Variants in SH3TC1 observed in about 807,000 individuals in gnomAD.
The protein encoded by SH3TC1 is SH3 domain and tetratricopeptide repeats 1.
In SH3TC1, 135 loss-of-function variants were observed where a neutral mutation model predicts 117.3. That is an observed-to-expected ratio of 1.15 (90% CI 1.00 to 1.33). The LOEUF (loss-of-function observed/expected upper bound fraction) is 1.33. Among genes scored for constraint, SH3TC1 ranks in the 40% most tolerant of loss-of-function variants. The pLI is 0.00. For synonymous variants in SH3TC1, 898 were observed against 816.9 expected (o/e 1.10, Z -1.69); for missense variants, 2,092 against 1,794.3 (o/e 1.17, Z -3.00).
intron 6 of SH3TC1, 96 bp downstream of exon 6, chr4:8,216,353 T>G (rs1719272556): frequency 2.7e-6 from 4 of 1,498,180 alleles, no homozygotes; most frequent in Middle Eastern, 2.4e-4. Context: ...TGAGCATGTC[T>G]GGGGCTGTGG....
chr4:8,194,241 C>T (rs746672437), intron 1 of SH3TC1, among the ~76,000 whole-genome samples: 2 of 152,192 alleles, frequency 1.3e-5, no homozygotes, highest in Non-Finnish European at 1.5e-5. Flanking sequence ...GGGGGCTTCA[C>T]GCTGCTCTGT....
At position 8,232,104 on chromosome 4, in the gene SH3TC1, G is replaced by A. The variant is rs748302749; in HGVS notation, c.3079G>A (p.Gly1027Arg). The A allele has an allele frequency of 5.6e-6, 9 of 1,611,434 alleles. No homozygotes were observed. Among genetic ancestry groups the A allele is most frequent in the Non-Finnish European group, 7.6e-6 (9 of 1,179,130 alleles). ...CAAGGTGGCCGACAAGGTGCTGGAG[G>A]GGCAGCTCCTGGAGACCATCAGCCA... ...ACKVADKVLEGQLLETISQLY... is the reference protein window; with the variant it reads ...ACKVADKVLERQLLETISQLY... Residue 1027 changes from glycine (G) to arginine (R), a missense_variant, in exon 13 of 18, where the codon GGG (glycine) becomes AGG (arginine). Transcript: ENST00000245105.
Position 8,212,651 on chromosome 4 carries a change from C to T in SH3TC1, c.248-50C>T, listed in dbSNP as rs1262865974. 5 of 1,611,126 alleles carry T rather than the reference C, an allele frequency of 3.1e-6. No homozygotes were observed. In the East Asian group the frequency reaches 6.7e-5, roughly 22 times the overall value. ...CAGGTGGAGTACAGTGCCCCACAGA[C>T]TTCCCAGCCCAGGTCAGACCAACTG... On this transcript the variant is annotated intron_variant, in intron 3 of 17. Coordinates refer to ENST00000245105, the MANE Select transcript of SH3TC1 (RefSeq NM_018986.5).
At chr4:8,194,315 T>C (rs1323563959), upstream of SH3TC1, among the ~76,000 whole-genome samples, 5 of 152,206 alleles carry the variant, frequency 3.3e-5, no homozygotes, top group Non-Finnish European at 7.3e-5. Context: ...GGTAGCTTCT[T>C]TGAGCGACCT....
chr4:8,219,320 G>T lies in SH3TC1; in HGVS notation c.917-15G>T. On this transcript the variant is annotated splice_polypyrimidine_tract_variant and intron_variant, in intron 8 of 17. Coordinates refer to ENST00000245105, the MANE Select transcript of SH3TC1 (RefSeq NM_018986.5). Reference sequence around the variant, plus strand: ...TTGGTCTCCCTGGCACTCACCATGTGGCTTTCTTCCGCAGCTGTGGGCCTG... The same window carrying T: ...TTGGTCTCCCTGGCACTCACCATGTTGCTTTCTTCCGCAGCTGTGGGCCTG... 3 of 1,566,780 alleles carry T rather than the reference G, an allele frequency of 1.9e-6. No homozygotes were observed. Among genetic ancestry groups the T allele is most frequent in the Non-Finnish European group, 2.6e-6 (3 of 1,150,944 alleles).
Position 8,206,414 on chromosome 4 carries a change from G to A in SH3TC1, c.172+1048G>A, listed in dbSNP as rs574187697. 5.7e-4 allele frequency among the ~76,000 whole-genome samples: 86 copies of A among 152,172 alleles called. No homozygotes were observed. The highest frequency in any genetic ancestry group is 3.7e-3 in the South Asian group (18 of 4,820). ...GGGGCTGCGCTGTGCCCAGGGCCAC[G>A]AGTGCACAAGGAGACTGAGACGCGC... is the stretch of plus-strand genomic sequence containing the variant. On this transcript the variant is annotated intron_variant, in intron 2 of 17. Coordinates refer to ENST00000245105, the MANE Select transcript of SH3TC1 (RefSeq NM_018986.5). The surrounding 1 kb of genome is among the most constrained non-coding windows in gnomAD (Gnocchi z 5.5).
chr4:8,212,257 A>G (rs928910462), intron 3 of SH3TC1, among the ~76,000 whole-genome samples: 3 of 150,846 alleles, frequency 2.0e-5, no homozygotes, highest in Non-Finnish European at 2.9e-5. Flanking sequence ...CCCACCTTAC[A>G]GTCACCATGG....
In SH3TC1 at chr4:8,219,546, C is replaced by A; in HGVS notation, c.1112+16C>A. The A allele has an allele frequency of 1.3e-6, 2 of 1,511,654 alleles. No individual in the cohort carries two copies. The highest frequency in any genetic ancestry group is 1.8e-6 in the Non-Finnish European group (2 of 1,124,218). 93.6% of individuals were successfully genotyped at this position (1,511,654 alleles called of 1,614,324 possible). ...CCGTGTCCGAGTGAGTGGCTGGAGCCCCGCCCCTTTCCTGAACCCACCCCC... is the reference window on the plus strand; with the variant it reads ...CCGTGTCCGAGTGAGTGGCTGGAGCACCGCCCCTTTCCTGAACCCACCCCC... On this transcript the variant is annotated intron_variant, in intron 9 of 17. Coordinates refer to ENST00000245105, the MANE Select transcript of SH3TC1 (RefSeq NM_018986.5).
chr4:8,185,127 G>C (rs1258670039), intron 1 of SH3TC1, among the ~76,000 whole-genome samples: 1 of 151,694 alleles, frequency 6.6e-6, no homozygotes, highest in Middle Eastern at 3.2e-3. Context: ...CTTGAGGTCA[G>C]GAGTTCGACA....
In SH3TC1 at chr4:8,225,145, G is replaced by C. The variant is rs764618463; in HGVS notation, c.1244-30G>C. On this transcript the variant is annotated intron_variant, in intron 10 of 17. Transcript: ENST00000245105. The surrounding 1 kb of genome is among the most constrained non-coding windows in gnomAD (Gnocchi z 5.5). ...GGGACCAGAGGTACTGGCTGGGGGTGTTGATTGCTTCTCTTTTCTCCCTTG... is the reference window on the plus strand; with the variant it reads ...GGGACCAGAGGTACTGGCTGGGGGTCTTGATTGCTTCTCTTTTCTCCCTTG... 23 of 1,613,104 alleles carry C rather than the reference G, an allele frequency of 1.4e-5. No individual in the cohort carries two copies. The highest frequency in any genetic ancestry group is 2.7e-5 in the African/African-American group (2 of 74,928).
At chr4:8,211,962 C>G (rs1326687758) in intron 3 of SH3TC1, among the ~76,000 whole-genome samples, 1 of 152,008 alleles carries the variant, frequency 6.6e-6, no homozygotes, top group African/African-American at 2.4e-5. Context: ...AGGGGACAGA[C>G]AGGAGGGAGG....
In SH3TC1 at chr4:8,217,019, G is replaced by C; in HGVS notation, c.691G>C (p.Gly231Arg). Residue 231 changes from glycine (G) to arginine (R), a missense_variant, in exon 7 of 18, where the codon GGA (glycine) becomes CGA (arginine). Coordinates refer to ENST00000245105, the MANE Select transcript of SH3TC1 (RefSeq NM_018986.5). The part of the protein sequence containing the change: ...VRVMTGPRDA[G>R]NGPQALRQAS... ...AGTGATGACGGGTCCCCGGGATGCA[G>C]GAAATGGCCCCCAGGCCCTCAGGCA... is the stretch of plus-strand genomic sequence containing the variant. The C allele has an allele frequency of 6.2e-7, 1 of 1,613,884 alleles. No homozygotes were observed. The highest frequency in any genetic ancestry group is 2.2e-5 in the East Asian group (1 of 44,880).
At chr4:8,219,259 C>T (rs1298511021) in intron 8 of SH3TC1, 76 bp from the exon 9 acceptor site, 2 of 1,413,102 alleles carry the variant, frequency 1.4e-6, no homozygotes, top group Admixed American at 2.4e-5. Flanking sequence ...TTCAGGGTGG[C>T]TGGCATCGGC....
chr4:8,237,795 G>T, intron 17 of SH3TC1, 125 bp downstream of exon 17: 1 of 1,084,062 alleles, frequency 9.2e-7, no homozygotes, highest in African/African-American at 1.6e-5. Context: ...CTGGAGCGCT[G>T]CGCCCGGCTG....
chr4:8,191,881 AT>A (rs894313484), intron 1 of SH3TC1, among the ~76,000 whole-genome samples: 4 of 152,126 alleles, frequency 2.6e-5, no homozygotes, highest in African/African-American at 9.7e-5. Context: ...GCCGGGAAAG[AT>A]GACGGGGCTG....
intron 15 of SH3TC1, 155 bp downstream of exon 15, chr4:8,235,710 C>A (rs2152997527): frequency 1.9e-6 from 2 of 1,078,090 alleles, no homozygotes; most frequent in Non-Finnish European, 2.5e-6. Flanking sequence ...ATGATATTGA[C>A]TGTGCCCCCC....
intron 12 of SH3TC1, 127 bp downstream of exon 12, chr4:8,228,771 A>G: frequency 1.2e-6 from 1 of 824,778 alleles, no homozygotes; most frequent in Non-Finnish European, 1.8e-6. Flanking sequence ...GGCAAACAGC[A>G]GATGTTGGCA....
At position 8,227,308 on chromosome 4, in the gene SH3TC1, G is replaced by A; in HGVS notation, c.1614G>A (p.Glu538=). Residue 538 remains glutamate, a synonymous_variant, in exon 12 of 18, where the codon GAG becomes GAA. Coordinates refer to ENST00000245105, the MANE Select transcript of SH3TC1 (RefSeq NM_018986.5). The part of the protein sequence containing the change: ...SVFRSFSDEE[E]LTGRLAQARG... The stretch of plus-strand genomic sequence containing the variant: ...TCCGCAGCTTCAGCGACGAGGAGGA[G>A]CTGACTGGGCGCCTGGCACAGGCCC... The A allele has an allele frequency of 6.2e-7, 1 of 1,610,338 alleles. No individual in the cohort carries two copies. Among genetic ancestry groups the A allele is most frequent in the Non-Finnish European group, 8.5e-7 (1 of 1,179,046 alleles).
chr4:8,237,967 G>A (rs1721975448), intron 17 of SH3TC1, among the ~76,000 whole-genome samples: 1 of 152,176 alleles, frequency 6.6e-6, no homozygotes, highest in Non-Finnish European at 1.5e-5. Flanking sequence ...TGGAGAAGGG[G>A]ACACCAAAGC....
Sources: gnomAD v4.1 joint callset for allele counts (sites outside exome capture counted in the v4.1 genomes callset) on GRCh38, gnomAD v4.1.1 for gene constraint, Gnocchi (gnomAD v3.1) non-coding constraint, MANE v1.5 for transcripts, NCBI Gene and HGNC (gene_info 2026-07-23, HGNC 2026-07-21) for gene names.